Variants in ITGA11 observed in about 807,000 individuals in gnomAD.
ITGA11 encodes integrin alpha-11.
In ITGA11, 97 loss-of-function variants were observed where a neutral mutation model predicts 141.9. The ratio of observed to expected loss-of-function variants is 0.68; its 90% CI spans 0.58 to 0.81. The LOEUF (loss-of-function observed/expected upper bound fraction) is 0.81. ITGA11 is among the 30% of genes least tolerant of loss of function. ITGA11 has a pLI of 0.00. For synonymous variants in ITGA11, 658 were observed against 624.6 expected (o/e 1.05, Z -0.80); for missense variants, 1,387 against 1,559.2 (o/e 0.89, Z 1.86).
chr15:68,381,855 T>G (rs1211614507), intron 2 of ITGA11, among the ~76,000 whole-genome samples: 3 of 152,164 alleles, frequency 2.0e-5, no homozygotes, highest in Non-Finnish European at 4.4e-5. Context: ...CGCACCCAGC[T>G]ACATTCCAAT....
At chr15:68,356,959 C>G (rs1895088881) in intron 7 of ITGA11, 192 bp downstream of exon 7, 1 of 581,198 alleles carries the variant, frequency 1.7e-6, no homozygotes, top group Non-Finnish European at 3.0e-6. Context: ...AAGGTGACAC[C>G]AGACTGCAAC....
intron 1 of ITGA11, among the ~76,000 whole-genome samples, chr15:68,425,161 A>G (rs1897113447): frequency 6.6e-6 from 1 of 152,210 alleles, no homozygotes; most frequent in Non-Finnish European, 1.5e-5. Context: ...AAGTGGGATC[A>G]TGGTGTCTTC....
At chr15:68,313,440 T>G (rs749702596) in intron 23 of ITGA11, among the ~76,000 whole-genome samples, 4 of 152,164 alleles carry the variant, frequency 2.6e-5, no homozygotes, top group Non-Finnish European at 5.9e-5. Flanking sequence ...CGATAGATAT[T>G]ATTTCTGTTT....
At chr15:68,370,573 C>T (rs982437677) in intron 2 of ITGA11, among the ~76,000 whole-genome samples, 3 of 152,348 alleles carry the variant, frequency 2.0e-5, no homozygotes, top group African/African-American at 4.8e-5. Context: ...GCCTTGGGTG[C>T]CGGTCTGGCT....
chr15:68,419,350 G>C (rs1267077016), intron 1 of ITGA11, among the ~76,000 whole-genome samples: 1 of 152,184 alleles, frequency 6.6e-6, no homozygotes, highest in Admixed American at 6.5e-5. Context: ...GAAAATGAAG[G>C]ACTACCATGC....
intron 1 of ITGA11, among the ~76,000 whole-genome samples, chr15:68,429,388 A>C (rs1207779779): frequency 1.3e-5 from 2 of 152,220 alleles, no homozygotes; most frequent in Non-Finnish European, 2.9e-5. Flanking sequence ...GCTTCTAAGA[A>C]TCATCACCCT....
At chr15:68,310,883 C>CAG (rs1454495708) in intron 26 of ITGA11, 111 bp downstream of exon 26, 1 of 774,690 alleles carries the variant, frequency 1.3e-6, no homozygotes, top group African/African-American at 1.7e-5. Flanking sequence ...TACAGGTGCT[C>CAG]AGTAAGCTCT....
chr15:68,312,262 A>T (rs367817470), intron 24 of ITGA11, among the ~76,000 whole-genome samples: 4 of 152,174 alleles, frequency 2.6e-5, no homozygotes, highest in African/African-American at 9.7e-5. Flanking sequence ...TCACTGGAAG[A>T]GTAAGGAACT....
rs1893381178 is a variant in ITGA11 at position 68,311,438 on chromosome 15, A to G, written c.2974-35T>C. On this transcript the variant is annotated intron_variant, in intron 24 of 29. Coordinates refer to ENST00000315757, the MANE Select transcript of ITGA11 (RefSeq NM_001004439.2). The stretch of plus-strand genomic sequence containing the variant: ...GAGACAGGGAGGTGTCAGTACAGTC[A>G]GTTGAGGGGGGTGGAAAACAAGGTC... 2.8e-6 allele frequency: 4 copies of G among 1,436,044 alleles called. No homozygotes were observed. In the African/African-American group the frequency reaches 5.6e-5, roughly 20 times the overall value. The allele number at this position is 1,436,044 out of a possible 1,614,324, so 89.0% of individuals were successfully genotyped here.
intron 24 of ITGA11, among the ~76,000 whole-genome samples, chr15:68,312,130 A>G (rs879643072): frequency 3.3e-5 from 5 of 152,266 alleles, no homozygotes; most frequent in African/African-American, 1.2e-4. Flanking sequence ...ACTATAGCAG[A>G]GGCTGCCAAA....
Position 68,302,969 on chromosome 15 carries a change from G to T in ITGA11, c.*90C>A, listed in dbSNP as rs1328365772. 2 of 1,086,632 alleles carry T rather than the reference G, an allele frequency of 1.8e-6. No individual in the cohort carries two copies. The highest frequency in any genetic ancestry group is 2.7e-6 in the Non-Finnish European group (2 of 751,628). The allele number at this position is 1,086,632 out of a possible 1,614,324, so 67.3% of individuals were successfully genotyped here. On this transcript the variant is annotated 3_prime_UTR_variant, in exon 30 of 30. Coordinates refer to ENST00000315757, the MANE Select transcript of ITGA11 (RefSeq NM_001004439.2). ...TGCAAAGCCAGCTGGCTTCCTCTCC[G>T]CTCCAGCTCGGTGGGGCCACAGGCC... is the stretch of plus-strand genomic sequence containing the variant.
At chr15:68,419,814 C>T (rs900519106) in intron 1 of ITGA11, among the ~76,000 whole-genome samples, 3 of 152,206 alleles carry the variant, frequency 2.0e-5, no homozygotes, top group Non-Finnish European at 2.9e-5. Context: ...TGCAGTCTCT[C>T]GAGTCAGACT....
At chr15:68,424,134 T>A (rs528260144) in intron 1 of ITGA11, among the ~76,000 whole-genome samples, 8 of 152,334 alleles carry the variant, frequency 5.3e-5, no homozygotes, top group Admixed American at 3.9e-4. Flanking sequence ...TTATGCCTTG[T>A]AGGGGACATA....
chr15:68,388,016 C>T (rs1595887393), intron 2 of ITGA11, among the ~76,000 whole-genome samples: 1 of 152,138 alleles, frequency 6.6e-6, no homozygotes, highest in Non-Finnish European at 1.5e-5. Context: ...AAACTGAAGG[C>T]CCCCTCCCCT....
At position 68,304,767 on chromosome 15, in the gene ITGA11, G is replaced by A. The variant is rs887764804; in HGVS notation, c.3382-882C>T. Among the ~76,000 whole-genome samples, 10 of 152,210 alleles carry A rather than the reference G, an allele frequency of 6.6e-5. No individual in the cohort carries two copies. Among genetic ancestry groups the A allele is most frequent in the African/African-American group, 1.4e-4 (6 of 41,508 alleles). On this transcript the variant is annotated intron_variant, in intron 28 of 29. Transcript: ENST00000315757. This position sits in a 1 kb window ranked among gnomAD's most constrained non-coding sequence, Gnocchi z 6.1. ...AAGCAAATGGCAGCACTATCCCTCCGCGCTGCTCAGGCCAGAAGCCATGTA... is the reference window on the plus strand; with the variant it reads ...AAGCAAATGGCAGCACTATCCCTCCACGCTGCTCAGGCCAGAAGCCATGTA...
intron 8 of ITGA11, among the ~76,000 whole-genome samples, 166 bp downstream of exon 8, chr15:68,351,092 G>A (rs919027490): frequency 6.6e-6 from 1 of 152,184 alleles, no homozygotes; most frequent in Non-Finnish European, 1.5e-5. Flanking sequence ...GGCCAGAGCA[G>A]TGCAGAAAGA....
Position 68,307,496 on chromosome 15 carries a change from C to A in ITGA11, c.3286-53G>T. On this transcript the variant is annotated intron_variant, in intron 27 of 29. Transcript: ENST00000315757. The surrounding 1 kb of genome is among the most constrained non-coding windows in gnomAD (Gnocchi z 6.1). ...CTGGCTTGGAAGCTTTTCTTCCCGT[C>A]CCCTCCCCAGGCAGCCCCAGGTGGA... 6.6e-7 allele frequency: 1 copy of A among 1,521,868 alleles called. No individual in the cohort carries two copies. Among genetic ancestry groups the A allele is most frequent in the Non-Finnish European group, 8.9e-7 (1 of 1,118,226 alleles). The allele number at this position is 1,521,868 out of a possible 1,614,324, so 94.3% of individuals were successfully genotyped here. A position where few individuals can be genotyped will look rare whatever the true frequency, so the allele number is the denominator to read the frequency against.
intron 2 of ITGA11, among the ~76,000 whole-genome samples, chr15:68,382,628 TG>T: frequency 1.3e-5 from 2 of 152,328 alleles, no homozygotes; most frequent in East Asian, 3.9e-4. Flanking sequence ...GCCCTACCCT[TG>T]GGGGTTCACA....
intron 2 of ITGA11, among the ~76,000 whole-genome samples, chr15:68,381,038 T>C (rs1212935213): frequency 6.6e-6 from 1 of 152,214 alleles, no homozygotes; most frequent in East Asian, 1.9e-4. Context: ...ATTCAGGCAC[T>C]GAGGGCCACT....
Sources: gnomAD v4.1 joint callset for allele counts (sites outside exome capture counted in the v4.1 genomes callset) on GRCh38, gnomAD v4.1.1 for gene constraint, Gnocchi (gnomAD v3.1) non-coding constraint, MANE v1.5 for transcripts, NCBI Gene and HGNC (gene_info 2026-07-23, HGNC 2026-07-21) for gene names.